Variants in PDE6B observed in about 807,000 individuals in gnomAD.
The protein encoded by PDE6B is rod cGMP-specific 3',5'-cyclic phosphodiesterase subunit beta.
Under a neutral mutation model 109.0 loss-of-function variants are expected in PDE6B, and 106 were observed. The ratio of observed to expected loss-of-function variants is 0.97; its 90% CI spans 0.83 to 1.14. PDE6B has a LOEUF of 1.14. Ranked by LOEUF, PDE6B falls within the 50% of genes most tolerant of loss-of-function variation. The probability of loss-of-function intolerance (pLI) is 0.00; values close to 1 mark genes in which losing one functional copy is unlikely to be tolerated. For synonymous variants in PDE6B, 490 were observed against 471.3 expected (o/e 1.04, Z -0.51); for missense variants, 1,193 against 1,155.6 (o/e 1.03, Z -0.47).
In PDE6B at chr4:665,583, G is replaced by A. The variant is rs987556100; in HGVS notation, c.2268+254G>A. ...ACCAGGGCCACCCGCTCATCACCAG[G>A]AGCCTCTGGGTCCAGGCAGCTCTGC... On this transcript the variant is annotated intron_variant, in intron 19 of 21. Coordinates refer to ENST00000496514, the MANE Select transcript of PDE6B (RefSeq NM_000283.4). This position sits in a 1 kb window ranked among gnomAD's most constrained non-coding sequence, Gnocchi z 4.0. Among the ~76,000 whole-genome samples, 1 of 152,172 alleles carries A rather than the reference G, an allele frequency of 6.6e-6. No individual in the cohort carries two copies. The highest frequency in any genetic ancestry group is 2.4e-5 in the African/African-American group (1 of 41,434).
In PDE6B at chr4:654,850, C is replaced by T; in HGVS notation, c.954C>T (p.Asp318=). 6.4e-7 allele frequency: 1 copy of T among 1,574,740 alleles called. No homozygotes were observed. The highest frequency in any genetic ancestry group is 1.1e-5 in the South Asian group (1 of 90,246). ...GREIVFYKVI[D]YVLHGKEEIK... ...AAATTGTCTTCTACAAAGTGATCGA[C>T]TACGTCCTCCACGGCAAGGAGGAGA... The change falls in exon 6 of 22, where the codon GAC becomes GAT. Residue 318 remains aspartate (D), a synonymous_variant. Transcript: ENST00000496514.
intron 8 of PDE6B, 53 bp from the exon 9 acceptor site, chr4:656,821 C>A (rs576940450): frequency 3.8e-6 from 6 of 1,593,542 alleles, no homozygotes; most frequent in Non-Finnish European, 5.2e-6. Flanking sequence ...GCCACACGCC[C>A]GGGCCAGGGC....
chr4:652,548 T>G (rs1577267578), intron 3 of PDE6B: 1 of 964,172 alleles, frequency 1.0e-6, no homozygotes, highest in Non-Finnish European at 1.2e-6. Flanking sequence ...GTACACAGGG[T>G]GCTCGGTAAG....
In PDE6B at chr4:662,727, G is replaced by T. The variant is rs1737258929; in HGVS notation, c.1832+109G>T. 2 of 772,064 alleles carry T rather than the reference G, an allele frequency of 2.6e-6. No homozygotes were observed. Among genetic ancestry groups the T allele is most frequent in the African/African-American group, 1.7e-5 (1 of 58,418 alleles). The allele number at this position is 772,064 out of a possible 1,614,324, so 47.8% of individuals were successfully genotyped here. Reference sequence around the variant, plus strand: ...ATGTAGAAAGTGGAGTCCACGGCCAGGCCCCGTACTCCAGCACTGTGGGAG... The same window carrying T: ...ATGTAGAAAGTGGAGTCCACGGCCATGCCCCGTACTCCAGCACTGTGGGAG... On this transcript the variant is annotated intron_variant, in intron 14 of 21. Transcript: ENST00000496514. The surrounding 1 kb of genome is among the most constrained non-coding windows in gnomAD (Gnocchi z 4.3).
At chr4:642,454 C>A (rs1467669907) in intron 3 of PDE6B, among the ~76,000 whole-genome samples, 2 of 150,796 alleles carry the variant, frequency 1.3e-5, no homozygotes. Flanking sequence ...CCAGCCTGGG[C>A]AACAAGAGTA....
At chr4:660,728 T>C in intron 12 of PDE6B, 115 bp downstream of exon 12, 2 of 879,968 alleles carry the variant, frequency 2.3e-6, no homozygotes, top group Non-Finnish European at 3.8e-6. Context: ...GGATTGGGGG[T>C]TCCAGATCCC....
chr4:636,374 G>A lies in PDE6B; in HGVS notation c.711+405G>A, dbSNP rs1379820703. Among the ~76,000 whole-genome samples, 1 of 152,222 alleles carries A rather than the reference G, an allele frequency of 6.6e-6. No homozygotes were observed. Among genetic ancestry groups the A allele is most frequent in the African/African-American group, 2.4e-5 (1 of 41,548 alleles). ...GCCCTGACTGAGAGAGGGTGTAGGG[G>A]CAGGTCCGGCCCTGGCTGAGAGAGG... On this transcript the variant is annotated intron_variant, in intron 3 of 21. Transcript: ENST00000496514. The surrounding 1 kb of genome is among the most constrained non-coding windows in gnomAD (Gnocchi z 4.5).
Position 653,952 on chromosome 4 carries a change from A to C in PDE6B, c.812A>C (p.Glu271Ala), listed in dbSNP as rs1365261261. The C allele has an allele frequency of 3.7e-6, 6 of 1,613,722 alleles. No homozygotes were observed. The highest frequency in any genetic ancestry group is 5.1e-6 in the Non-Finnish European group (6 of 1,180,036). ...ACGGTGCGGGCCTACCTCAACTGCG[A>C]GCGGTACTCCGTGGGCCTCCTGGAC... ...FYTVRAYLNC[E>A]RYSVGLLDMT... is the part of the protein sequence containing the mutation. Residue 271 changes from glutamate (E) to alanine (A), a missense_variant, in exon 4 of 22, where the codon GAG becomes GCG. By Grantham distance (107) the Glu-to-Ala change is moderately radical (BLOSUM62 -1). Transcript: ENST00000496514.
intron 3 of PDE6B, among the ~76,000 whole-genome samples, chr4:642,243 G>A (rs1734979482): frequency 6.6e-6 from 1 of 151,438 alleles, no homozygotes; most frequent in Non-Finnish European, 1.5e-5. Flanking sequence ...AGGCCAAGGT[G>A]GGTGGATCAC....
At chr4:652,647 C>A (rs970318276) in intron 3 of PDE6B, 4 of 261,562 alleles carry the variant, frequency 1.5e-5, no homozygotes, top group Non-Finnish European at 2.4e-5. Context: ...GTAGAACAGC[C>A]GTTTTCATGG....
At chr4:634,432 T>C (rs1398026286) in intron 1 of PDE6B, among the ~76,000 whole-genome samples, 1 of 152,182 alleles carries the variant, frequency 6.6e-6, no homozygotes, top group Non-Finnish European at 1.5e-5. Context: ...TGTCCAAGTC[T>C]GCTGGACTGA....
rs78125939 is a variant in PDE6B at position 626,283 on chromosome 4, G to A, written c.468+189G>A. The stretch of plus-strand genomic sequence containing the variant: ...CTGTGCCCTGGCCGCCTGCCTCTCC[G>A]ACTCGGCTTCTGGCTCAAGCTGACA... On this transcript the variant is annotated intron_variant, in intron 1 of 21. Transcript: ENST00000496514. The surrounding 1 kb of genome is among the most constrained non-coding windows in gnomAD (Gnocchi z 4.6). Among the ~76,000 whole-genome samples the A allele has an allele frequency of 9.2e-5, 14 of 152,306 alleles. No individual in the cohort carries two copies. Among genetic ancestry groups the A allele is most frequent in the Admixed American group, 2.0e-4 (3 of 15,302 alleles).
chr4:656,165 T>G (rs977765763), intron 7 of PDE6B, 80 bp from the exon 8 acceptor site: 1 of 1,111,738 alleles, frequency 9.0e-7, no homozygotes, highest in African/African-American at 1.5e-5. Flanking sequence ...AAAGCTCACC[T>G]CAGGGCCACA....
rs143908642 is a variant in PDE6B, at chr4:658,964, C to T, written c.1414C>T (p.Arg472Cys). The T allele has an allele frequency of 4.4e-4, 704 of 1,613,108 alleles. 4 individuals carry two copies. The South Asian group carries it at 6.6e-3, about 15-fold the overall frequency. The change falls in exon 11 of 22, where the codon CGC becomes TGC. Residue 472 changes from arginine (R) to cysteine (C), a missense_variant. Transcript: ENST00000496514. ...EIQLILPTRA[R>C]LGKEPADCDE... ...TGTCTCTGTGTAGCCAACCAGAGCGCGCCTGGGGAAGGAGCCTGCTGACTG... is the reference window on the plus strand; with the variant it reads ...TGTCTCTGTGTAGCCAACCAGAGCGTGCCTGGGGAAGGAGCCTGCTGACTG...
intron 3 of PDE6B, among the ~76,000 whole-genome samples, chr4:643,230 C>T (rs1173293142): frequency 2.0e-5 from 3 of 152,030 alleles, no homozygotes; most frequent in Non-Finnish European, 4.4e-5. Flanking sequence ...ATCACTTGAA[C>T]CCGGGAAGTG....
chr4:663,687 A>G lies in PDE6B; in HGVS notation c.1921-83A>G, dbSNP rs1486857487. ...GGGCGGGGGCGTGAGAGGCACAGGCAGCCGAGGCGGAAGGGGCGGGGTCCC... is the reference window on the plus strand; with the variant it reads ...GGGCGGGGGCGTGAGAGGCACAGGCGGCCGAGGCGGAAGGGGCGGGGTCCC... On this transcript the variant is annotated intron_variant, in intron 15 of 21. Coordinates refer to ENST00000496514, the MANE Select transcript of PDE6B (RefSeq NM_000283.4). This position sits in a 1 kb window ranked among gnomAD's most constrained non-coding sequence, Gnocchi z 4.0. 34 of 989,382 alleles carry G rather than the reference A, an allele frequency of 3.4e-5. No individual in the cohort carries two copies. The highest frequency in any genetic ancestry group is 5.3e-5 in the Non-Finnish European group (33 of 625,116). 61.3% of individuals were successfully genotyped at this position (989,382 alleles called of 1,614,324 possible).
Position 670,110 on chromosome 4 carries a change from A to C in PDE6B, c.*3A>C, listed in dbSNP as rs1172159133. ...CTTCAACCTGCTGTATCCTGTGAGC[A>C]CTGGTCCCATGGGGACCCTATGGCT... On this transcript the variant is annotated 3_prime_UTR_variant, in exon 22 of 22. Transcript: ENST00000496514. 3 of 1,611,598 alleles carry C rather than the reference A, an allele frequency of 1.9e-6. No individual in the cohort carries two copies. Among genetic ancestry groups the C allele is most frequent in the Middle Eastern group, 1.7e-4 (1 of 6,056 alleles).
rs921500156 is a variant in PDE6B at position 636,120 on chromosome 4, A to G, written c.711+151A>G. On this transcript the variant is annotated intron_variant, in intron 3 of 21. Coordinates refer to ENST00000496514, the MANE Select transcript of PDE6B (RefSeq NM_000283.4). This position sits in a 1 kb window ranked among gnomAD's most constrained non-coding sequence, Gnocchi z 4.5. ...ATTGCTCAGGGGAGAGGAGGGCTCC[A>G]TGGCTTCTGTGGCTGTGCTGAGCTG... 7.7e-6 allele frequency: 5 copies of G among 652,152 alleles called. No homozygotes were observed. Among genetic ancestry groups the G allele is most frequent in the East Asian group, 2.7e-5 (1 of 36,802 alleles). The allele number at this position is 652,152 out of a possible 1,614,324, so 40.4% of individuals were successfully genotyped here. A position where few individuals can be genotyped will look rare whatever the true frequency, so the allele number is the denominator to read the frequency against.
At chr4:664,270 G>C in intron 17 of PDE6B, 49 bp downstream of exon 17, 1 of 1,025,908 alleles carries the variant, frequency 9.7e-7, no homozygotes, top group Non-Finnish European at 1.6e-6. Context: ...CGCAGGGACC[G>C]GGCCCACTCA....
Sources: allele counts gnomAD v4.1 joint callset (sites outside exome capture counted in the v4.1 genomes callset), GRCh38; gene constraint gnomAD v4.1.1; non-coding constraint Gnocchi (gnomAD v3.1); transcripts MANE v1.5; gene names NCBI Gene and HGNC (gene_info 2026-07-23, HGNC 2026-07-21).